The following TTC7A variants were observed in gnomAD, a reference collection of about 807,000 sequenced individuals.
TTC7A encodes tetratricopeptide repeat domain 7A, also known as tetratricopeptide repeat protein 7A.
A neutral mutation model predicts 103.7 loss-of-function variants in TTC7A; 110 were observed. The ratio of observed to expected loss-of-function variants is 1.06; its 90% CI spans 0.91 to 1.24. The LOEUF is 1.24. TTC7A is among the 50% of genes most tolerant of loss of function. The pLI is 0.00. For synonymous variants in TTC7A, 521 were observed against 467.9 expected, an observed-to-expected ratio of 1.11 and a Z score of -1.47; for missense variants, 1,340 against 1,116.3, an observed-to-expected ratio of 1.20 and a Z score of -2.86.
At chr2:46,966,941 G>A (rs1572752134) in intron 3 of TTC7A, among the ~76,000 whole-genome samples, 3 of 151,094 alleles carry the variant, frequency 2.0e-5, no homozygotes, top group East Asian at 3.9e-4. Flanking sequence ...GGCCGGGCGC[G>A]GTGGCTCATG....
intron 2 of TTC7A, among the ~76,000 whole-genome samples, chr2:46,926,334 G>A (rs770957582): frequency 1.1e-4 from 16 of 152,172 alleles, no homozygotes; most frequent in Admixed American, 5.9e-4. Flanking sequence ...CGGAGTAAGT[G>A]ATGCTCCCTA....
intron 15 of TTC7A, among the ~76,000 whole-genome samples, chr2:47,030,514 C>T (rs1202663786): frequency 6.6e-6 from 1 of 152,184 alleles, no homozygotes; most frequent in African/African-American, 2.4e-5. Flanking sequence ...CTTCCTTCTC[C>T]CCAAAGCTAA....
chr2:47,049,965 G>A lies in TTC7A; in HGVS notation c.1936G>A (p.Gly646Ser). The A allele has an allele frequency of 6.2e-7, 1 of 1,614,126 alleles. No individual in the cohort carries two copies. The highest frequency in any genetic ancestry group is 8.5e-7 in the Non-Finnish European group (1 of 1,180,006). ...GCCTTCCAGAGGCCTAGAAAAGGATGGCAGCTTCGGTGAGGGCCTCACCAT... is the reference window on the plus strand; with the variant it reads ...GCCTTCCAGAGGCCTAGAAAAGGATAGCAGCTTCGGTGAGGGCCTCACCAT... ...FSQLGGLEKD[G>S]SFGEGLTMKK... is the part of the protein sequence containing the mutation. The change falls in exon 17 of 20, where the codon GGC (glycine) becomes AGC (serine). Residue 646 changes from glycine to serine, a missense_variant. Physicochemically the swap from Gly to Ser is moderately conservative, Grantham distance 56 (BLOSUM62 0). Transcript: ENST00000319190.
chr2:47,010,439 T>A (rs1677917771), intron 10 of TTC7A, among the ~76,000 whole-genome samples: 1 of 152,240 alleles, frequency 6.6e-6, no homozygotes, highest in African/African-American at 2.4e-5. Context: ...AAGTGTTTGC[T>A]GCTGCTGTTC....
At chr2:47,036,632 A>G (rs1681132634) in intron 15 of TTC7A, among the ~76,000 whole-genome samples, 1 of 152,212 alleles carries the variant, frequency 6.6e-6, no homozygotes, top group African/African-American at 2.4e-5. Context: ...CAAGGCAGGA[A>G]GATCACTCGA....
chr2:47,061,273 G>A (rs1043847839), intron 19 of TTC7A, among the ~76,000 whole-genome samples: 1 of 152,102 alleles, frequency 6.6e-6, no homozygotes, highest in African/African-American at 2.4e-5. Context: ...TTCCGCAAAG[G>A]GATCTAGCCC....
chr2:46,992,532 G>A (rs1675737805), intron 5 of TTC7A, among the ~76,000 whole-genome samples: 1 of 152,214 alleles, frequency 6.6e-6, no homozygotes, highest in Non-Finnish European at 1.5e-5. Flanking sequence ...AGTGCTGGGG[G>A]CTGAGGTGGG....
intron 2 of TTC7A, among the ~76,000 whole-genome samples, chr2:46,925,355 C>T (rs1045868690): frequency 1.3e-5 from 2 of 151,982 alleles, no homozygotes; most frequent in African/African-American, 2.4e-5. Flanking sequence ...GTCAGGAGTT[C>T]GAGACTAACC....
Position 47,023,423 on chromosome 2 carries a change from A to C in TTC7A, c.1526A>C (p.Lys509Thr). The C allele has an allele frequency of 6.2e-7, 1 of 1,614,092 alleles. No individual in the cohort carries two copies. Among genetic ancestry groups the C allele is most frequent in the Non-Finnish European group, 8.5e-7 (1 of 1,180,002 alleles). Residue 509 changes from lysine to threonine, a missense_variant, in exon 13 of 20, where the codon AAG (lysine) becomes ACG (threonine). Physicochemically the swap from Lys to Thr is moderately conservative, Grantham distance 78 (BLOSUM62 -1). Coordinates refer to ENST00000319190, the MANE Select transcript of TTC7A (RefSeq NM_020458.4). ...TCCCCTGCAGCCACCCTGAAGTCCA[A>C]GCAAGATGAATTGCACCGGAAGGCA... ...LQATDATLKSKQDELHRKALQ... is the reference protein window; with the variant it reads ...LQATDATLKSTQDELHRKALQ...
chr2:47,010,880 A>G (rs1220432117), intron 10 of TTC7A, among the ~76,000 whole-genome samples: 1 of 152,076 alleles, frequency 6.6e-6, no homozygotes, highest in Non-Finnish European at 1.5e-5. Flanking sequence ...TTGTATTTTT[A>G]GTAGAGACGG....
chr2:47,054,039 G>A (rs1426118841), intron 18 of TTC7A: 10 of 895,110 alleles, frequency 1.1e-5, no homozygotes, highest in Non-Finnish European at 1.3e-5. Flanking sequence ...AGAAACACAT[G>A]CCTTTCAGTC....
At chr2:47,023,288 C>A in intron 12 of TTC7A, 120 bp from the exon 13 acceptor site, 1 of 1,054,192 alleles carries the variant, frequency 9.5e-7, no homozygotes. Context: ...TTGAAGTTTG[C>A]CAGATGGGAC....
chr2:47,032,601 G>C (rs1377944246), intron 15 of TTC7A, among the ~76,000 whole-genome samples: 1 of 151,946 alleles, frequency 6.6e-6, no homozygotes, highest in Non-Finnish European at 1.5e-5. Flanking sequence ...AGTGTGCTGC[G>C]AAGCATTTGG....
intron 19 of TTC7A, among the ~76,000 whole-genome samples, chr2:47,069,697 C>A (rs566449259): frequency 2.6e-5 from 4 of 152,324 alleles, no homozygotes; most frequent in Non-Finnish European, 5.9e-5. Flanking sequence ...CAGGTTGAGG[C>A]TGACACACCT....
intron 4 of TTC7A, among the ~76,000 whole-genome samples, chr2:46,976,114 T>C (rs980111722): frequency 1.3e-5 from 2 of 152,254 alleles, no homozygotes; most frequent in Non-Finnish European, 2.9e-5. Flanking sequence ...GCAACTATAT[T>C]CAACAGAGAT....
chr2:47,021,965 T>C lies in TTC7A; in HGVS notation c.1496T>C (p.Leu499Pro), dbSNP rs369826283. 1.9e-6 allele frequency: 3 copies of C among 1,611,028 alleles called. No homozygotes were observed. In the African/African-American group the frequency reaches 4.0e-5, roughly 22 times the overall value. Residue 499 changes from leucine (L) to proline (P), a missense_variant, in exon 12 of 20, where the codon CTG (leucine) becomes CCG (proline). Leu to Pro is a moderately conservative substitution (Grantham distance 98). Coordinates refer to ENST00000319190, the MANE Select transcript of TTC7A (RefSeq NM_020458.4). ...GYLALGLTYS[L>P]QATDATLKSK... ...CTGGCTCTGGGTCTCACCTATAGCCTGCAGGCCACCGACGGTGAGTGCCAG... is the reference window on the plus strand; with the variant it reads ...CTGGCTCTGGGTCTCACCTATAGCCCGCAGGCCACCGACGGTGAGTGCCAG...
Position 47,024,355 on chromosome 2 carries a change from G to T in TTC7A, c.1637G>T (p.Arg546Leu), listed in dbSNP as rs180673878. Residue 546 changes from arginine to leucine, a missense_variant, in exon 14 of 20, where the codon CGA becomes CTA. Arg to Leu is a moderately radical substitution (Grantham distance 102, BLOSUM62 -2). Coordinates refer to ENST00000319190, the MANE Select transcript of TTC7A (RefSeq NM_020458.4). Reference protein sequence around the residue: ...LYVSLQLALVRQISSAMEQLQ... With the variant: ...LYVSLQLALVLQISSAMEQLQ... ...GTCTCGCTGCAGCTGGCCCTCGTCCGACAGGTGGGTTGTCCGTGTTCCTAA... is the reference window on the plus strand; with the variant it reads ...GTCTCGCTGCAGCTGGCCCTCGTCCTACAGGTGGGTTGTCCGTGTTCCTAA... 11 of 1,604,950 alleles carry T rather than the reference G, an allele frequency of 6.9e-6. No homozygotes were observed. Among genetic ancestry groups the T allele is most frequent in the Non-Finnish European group, 9.4e-6 (11 of 1,176,030 alleles).
intron 18 of TTC7A, among the ~76,000 whole-genome samples, chr2:47,057,446 G>T (rs927358998): frequency 6.6e-6 from 1 of 152,224 alleles, no homozygotes; most frequent in Non-Finnish European, 1.5e-5. Flanking sequence ...GAGGGATTGG[G>T]ATTGGGTGGG....
rs138757219 is a variant in TTC7A, at chr2:46,984,350, G to A, written c.764+5443G>A. 5.2e-3 allele frequency among the ~76,000 whole-genome samples: 785 copies of A among 152,324 alleles called. 6 individuals are homozygous for A. The highest frequency in any genetic ancestry group is 8.5e-3 in the Non-Finnish European group (575 of 68,032). ...GCCCTCACCATCTGGAGGAAGTAAGGGTGAGGCCCTGGGGTTGGAGGCCAC... is the reference window on the plus strand; with the variant it reads ...GCCCTCACCATCTGGAGGAAGTAAGAGTGAGGCCCTGGGGTTGGAGGCCAC... On this transcript the variant is annotated intron_variant, in intron 5 of 19. Transcript: ENST00000319190.
Sources: gnomAD v4.1 joint callset for allele counts (sites outside exome capture counted in the v4.1 genomes callset) on GRCh38, gnomAD v4.1.1 for gene constraint, MANE v1.5 for transcripts, NCBI Gene and HGNC (gene_info 2026-07-23, HGNC 2026-07-21) for gene names.